Variants in JAKMIP3 observed in about 807,000 individuals in gnomAD.
The protein encoded by JAKMIP3 is Janus kinase and microtubule interacting protein 3, also known as janus kinase and microtubule-interacting protein 3.
JAKMIP3 carries 58 observed loss-of-function variants against 118.5 expected under a neutral mutation model. The ratio of observed to expected loss-of-function variants is 0.49; its 90% CI spans 0.40 to 0.61. JAKMIP3 has a LOEUF of 0.61. Ranked by LOEUF, JAKMIP3 falls within the 20% of genes least tolerant of loss-of-function variation. The pLI is 0.00. For synonymous variants in JAKMIP3, 486 were observed against 451.2 expected (o/e 1.08, Z -0.98); for missense variants, 950 against 1,109.0 (o/e 0.86, Z 2.04).
intron 1 of JAKMIP3, among the ~76,000 whole-genome samples, chr10:132,073,497 T>TAC (rs2040307235): frequency 6.8e-6 from 1 of 147,466 alleles, no homozygotes; most frequent in African/African-American, 2.5e-5. Context: ...TCTTTACTTT[T>TAC]TTTTTTTTTT....
chr10:132,142,017 G>A lies in JAKMIP3; in HGVS notation c.1571G>A (p.Gly524Glu). 6.2e-7 allele frequency: 1 copy of A among 1,609,148 alleles called. No individual in the cohort carries two copies. Among genetic ancestry groups the A allele is most frequent in the Non-Finnish European group, 8.5e-7 (1 of 1,178,040 alleles). Reference sequence around the variant, plus strand: ...TACGCTTTGTTGCAGGAGCAGGTTGGAGGGACGCTGGACGCAGAGCGAGAA... The same window carrying A: ...TACGCTTTGTTGCAGGAGCAGGTTGAAGGGACGCTGGACGCAGAGCGAGAA... ...RAYALLQEQVGGTLDAEREVK... is the reference protein window; with the variant it reads ...RAYALLQEQVEGTLDAEREVK... Residue 524 changes from glycine to glutamate, a missense_variant, in exon 11 of 24, where the codon GGA becomes GAA. Transcript: ENST00000684848.
chr10:132,063,653 C>A (rs771483570), upstream of JAKMIP3, among the ~76,000 whole-genome samples: 1 of 152,174 alleles, frequency 6.6e-6, no homozygotes, highest in South Asian at 2.1e-4. Context: ...CTCTGGGCTC[C>A]GGGAGAGAAC....
chr10:132,136,180 G>T, intron 6 of JAKMIP3, 104 bp downstream of exon 6: 7 of 1,247,274 alleles, frequency 5.6e-6, no homozygotes, highest in South Asian at 2.9e-5. Flanking sequence ...GGTCCCGGGC[G>T]GGTGGCCAGG....
rs909345733 is a variant in JAKMIP3, at chr10:132,112,369, C to T, written c.136-4708C>T. Among the ~76,000 whole-genome samples the T allele has an allele frequency of 3.9e-5, 6 of 152,098 alleles. No homozygotes were observed. The highest frequency in any genetic ancestry group is 7.4e-5 in the Non-Finnish European group (5 of 68,008). On this transcript the variant is annotated intron_variant, in intron 2 of 23. Transcript: ENST00000684848. The surrounding 1 kb of genome is among the most constrained non-coding windows in gnomAD (Gnocchi z 4.3). ...TGGGACCTGCCCTGGGCACTCGGCT[C>T]GTCAGCTGGGAAGCCCAGAGAGGGC... is the stretch of plus-strand genomic sequence containing the variant.
intron 2 of JAKMIP3, among the ~76,000 whole-genome samples, chr10:132,116,403 A>G (rs2047663305): frequency 7.0e-6 from 1 of 143,182 alleles, no homozygotes; most frequent in African/African-American, 2.7e-5. Context: ...CTCCCCCCGA[A>G]TACACATTCA....
Position 132,139,318 on chromosome 10 carries a change from GT to G in JAKMIP3, c.1345-1132del, listed in dbSNP as rs1564948410. 2.0e-4 allele frequency among the ~76,000 whole-genome samples: 24 copies of G among 118,354 alleles called. 1 individual carries two copies. The highest frequency in any genetic ancestry group is 8.5e-4 in the African/African-American group (24 of 28,360). The allele number at this position is 118,354 out of a possible 152,430, so 77.6% of individuals were successfully genotyped here. A position where few individuals can be genotyped will look rare whatever the true frequency, so the allele number is the denominator to read the frequency against. Reference sequence around the variant, plus strand: ...TGTGTATGTGTGTGAGTGTGTATGTGTATGTGTGTGTGTTTGTATGTGTGTA... The same window carrying G: ...TGTGTATGTGTGTGAGTGTGTATGTGATGTGTGTGTGTTTGTATGTGTGTA... On this transcript the variant is annotated intron_variant, in intron 9 of 23. Transcript: ENST00000684848.
Position 132,097,915 on chromosome 10 carries a change from TTCC to T in JAKMIP3, c.-137-6756_-137-6754del, listed in dbSNP as rs2044163874. Among the ~76,000 whole-genome samples the T allele has an allele frequency of 3.2e-5, 2 of 62,994 alleles. 1 individual carries two copies. The highest frequency in any genetic ancestry group is 6.7e-5 in the Non-Finnish European group (2 of 29,826). The allele number at this position is 62,994 out of a possible 152,430, so 41.3% of individuals were successfully genotyped here. ...CTTCCCCTTCCCCTTCCCCTTCCCC[TTCC>T]CCTTTCCTTCCCCTTCCCCTTTCCC... On this transcript the variant is annotated intron_variant, in intron 1 of 23. Transcript: ENST00000684848.
chr10:132,100,186 C>CGG (rs1554929330), intron 1 of JAKMIP3, among the ~76,000 whole-genome samples: 16 of 152,106 alleles, frequency 1.1e-4, no homozygotes, highest in East Asian at 3.9e-4. Flanking sequence ...ACCCCCCGCA[C>CGG]AGACCCCCAC....
chr10:132,053,462 G>A (rs1258102269), intron 1 of JAKMIP3, among the ~76,000 whole-genome samples: 1 of 152,244 alleles, frequency 6.6e-6, no homozygotes, highest in African/African-American at 2.4e-5. Flanking sequence ...TGGAACACAG[G>A]TGCAGGCTGG....
At chr10:132,063,673 G>C (rs901849562), upstream of JAKMIP3, among the ~76,000 whole-genome samples, 1 of 152,234 alleles carries the variant, frequency 6.6e-6, no homozygotes, top group African/African-American at 2.4e-5. Flanking sequence ...CGGACCGTCT[G>C]CAAGGGGCAC....
chr10:132,134,922 G>A (rs190911676), intron 4 of JAKMIP3, 119 bp from the exon 5 acceptor site: 119 of 1,276,628 alleles, frequency 9.3e-5, no homozygotes, highest in Admixed American at 4.0e-4. Flanking sequence ...CGGCAGCCGC[G>A]TGGAGGTAAA....
intron 1 of JAKMIP3, among the ~76,000 whole-genome samples, chr10:132,095,552 A>G (rs2043738615): frequency 6.6e-6 from 1 of 152,140 alleles, no homozygotes; most frequent in Admixed American, 6.5e-5. Flanking sequence ...GGGCACTCAC[A>G]GTATTTGGGG....
chr10:132,182,513 G>T lies in JAKMIP3; in HGVS notation c.*1260G>T, dbSNP rs1345534622. 2 of 152,210 alleles carry T rather than the reference G, an allele frequency of 1.3e-5. No individual in the cohort carries two copies. Among genetic ancestry groups the T allele is most frequent in the African/African-American group, 4.8e-5 (2 of 41,440 alleles). The allele number at this position is 152,210 out of a possible 1,614,324, so 9.4% of individuals were successfully genotyped here. On this transcript the variant is annotated 3_prime_UTR_variant, in exon 24 of 24. Transcript: ENST00000684848. ...GTCCTCCCACCCTAGGTGGGCTAAG[G>T]TTCTGCTCTCAGAGCTGAATTGACA...
In JAKMIP3 at chr10:132,118,238, G is replaced by T. The variant is rs896531667; in HGVS notation, c.633+664G>T. On this transcript the variant is annotated intron_variant, in intron 3 of 23. Transcript: ENST00000684848. The surrounding 1 kb of genome is among the most constrained non-coding windows in gnomAD (Gnocchi z 4.8). Reference sequence around the variant, plus strand: ...TGCAGCCTAATAGCTCCAGAGACCTGGGCACCCATGGCAGGCACCAGGAGA... The same window carrying T: ...TGCAGCCTAATAGCTCCAGAGACCTTGGCACCCATGGCAGGCACCAGGAGA... 6.6e-6 allele frequency among the ~76,000 whole-genome samples: 1 copy of T among 152,170 alleles called. No individual in the cohort carries two copies. The highest frequency in any genetic ancestry group is 1.5e-5 in the Non-Finnish European group (1 of 68,030).
At chr10:132,089,952 A>G (rs1037567601) in intron 1 of JAKMIP3, among the ~76,000 whole-genome samples, 11 of 152,218 alleles carry the variant, frequency 7.2e-5, no homozygotes, top group African/African-American at 2.7e-4. Flanking sequence ...CCTTTTCTGC[A>G]TCTATTGAGA....
chr10:132,116,588 A>G (rs2047706770), intron 2 of JAKMIP3, among the ~76,000 whole-genome samples: 1 of 16,960 alleles, frequency 5.9e-5, no homozygotes, highest in Admixed American at 5.5e-4. Context: ...CCCCCCGAAT[A>G]CACATTCAGA....
chr10:132,136,102 G>A, intron 6 of JAKMIP3, 26 bp downstream of exon 6: 1 of 1,610,068 alleles, frequency 6.2e-7, no homozygotes, highest in African/African-American at 1.3e-5. Context: ...GCTCCACGGG[G>A]CCACGGTCGC....
At chr10:132,159,535 T>TGGG (rs1161355310) in intron 19 of JAKMIP3, among the ~76,000 whole-genome samples, 3 of 122,596 alleles carry the variant, frequency 2.4e-5, no homozygotes, top group Non-Finnish European at 5.1e-5. Context: ...TGTGTGATGC[T>TGGG]GGGAGGGTCT....
At chr10:132,085,723 A>G (rs2042317225) in intron 1 of JAKMIP3, among the ~76,000 whole-genome samples, 1 of 151,516 alleles carries the variant, frequency 6.6e-6, no homozygotes, top group Admixed American at 6.6e-5. Flanking sequence ...CTGGTCTCGA[A>G]CTCCTGACCT....
Sources: gnomAD v4.1 joint callset for allele counts (sites outside exome capture counted in the v4.1 genomes callset) on GRCh38, gnomAD v4.1.1 for gene constraint, Gnocchi (gnomAD v3.1) non-coding constraint, MANE v1.5 for transcripts, NCBI Gene and HGNC (gene_info 2026-07-23, HGNC 2026-07-21) for gene names.